The following PPWD1 variants were observed in gnomAD, a reference collection of about 807,000 sequenced individuals.
PPWD1 encodes the protein peptidylprolyl isomerase domain and WD repeat containing 1.
In PPWD1, 43 loss-of-function variants were observed where a neutral mutation model predicts 68.8. That is an observed-to-expected ratio of 0.62 (90% CI 0.49 to 0.81). The LOEUF (loss-of-function observed/expected upper bound fraction) is 0.81. Among genes scored for constraint, PPWD1 ranks in the 30% least tolerant of loss-of-function variants. The pLI is 0.00. For synonymous variants in PPWD1, 232 were observed against 258.7 expected, an observed-to-expected ratio of 0.90 and a Z score of 0.99; for missense variants, 672 against 804.8, an observed-to-expected ratio of 0.83 and a Z score of 2.00.
intron 9 of PPWD1, 132 bp downstream of exon 9, chr5:65,585,227 A>AT: frequency 1.2e-6 from 1 of 863,570 alleles, no homozygotes; most frequent in South Asian, 1.9e-5. Context: ...TACACTATGG[A>AT]AGCCAAAGGA....
At chr5:65,568,221 G>A (rs1258910759) in intron 2 of PPWD1, 1 of 152,152 alleles carries the variant, frequency 6.6e-6, no homozygotes, top group African/African-American at 2.4e-5. Context: ...TTTTGGATAA[G>A]GGATACTCAA....
chr5:65,586,015 C>T lies in PPWD1; in HGVS notation c.1631C>T (p.Thr544Ile), dbSNP rs756815006. 3 of 1,612,910 alleles carry T rather than the reference C, an allele frequency of 1.9e-6. No individual in the cohort carries two copies. The highest frequency in any genetic ancestry group is 2.5e-6 in the Non-Finnish European group (3 of 1,179,146). Residue 544 changes from threonine (T) to isoleucine (I), a missense_variant, in exon 10 of 11, where the codon ACT becomes ATT. Thr to Ile is a moderately conservative substitution (Grantham distance 89). This residue lies in a region of PPWD1 where 484 missense variants were observed against 646.2 expected (regional missense o/e 0.75). Transcript: ENST00000261308. ...TCTGTTAAGGGCTTTATGATTCAGA[C>T]TGGAGATCCAACAGGTACTGGTATG... ...HRIIKGFMIQ[T>I]GDPTGTGMGG...
Position 65,567,619 on chromosome 5 carries a change from A to C in PPWD1, c.299+4A>C. The stretch of plus-strand genomic sequence containing the variant: ...TCACCCATGTGGTATGCACCAAGTA[A>C]GTCTATCACATCTTTTTTACTTTGT... On this transcript the variant is annotated splice_donor_region_variant and intron_variant, in intron 2 of 10. Transcript: ENST00000261308. 6.3e-7 allele frequency: 1 copy of C among 1,576,272 alleles called. No individual in the cohort carries two copies. Among genetic ancestry groups the C allele is most frequent in the Non-Finnish European group, 8.6e-7 (1 of 1,161,630 alleles).
In PPWD1 at chr5:65,586,036, G is replaced by A. The variant is rs367559714; in HGVS notation, c.1652G>A (p.Gly551Asp). The A allele has an allele frequency of 6.2e-7, 1 of 1,613,448 alleles. No homozygotes were observed. The highest frequency in any genetic ancestry group is 8.5e-7 in the Non-Finnish European group (1 of 1,179,470). The change falls in exon 10 of 11, where the codon GGT becomes GAT. Residue 551 changes from glycine (G) to aspartate (D), a missense_variant. Around this residue, in one of 2 missense-constraint regions of PPWD1, gnomAD observed 484 missense variants for 646.2 expected, o/e 0.75. Transcript: ENST00000261308. Reference protein sequence around the residue: ...MIQTGDPTGTGMGGESIWGGE... With the variant: ...MIQTGDPTGTDMGGESIWGGE... ...CAGACTGGAGATCCAACAGGTACTGGTATGGGAGGAGAAAGCATATGGGGA... is the reference window on the plus strand; with the variant it reads ...CAGACTGGAGATCCAACAGGTACTGATATGGGAGGAGAAAGCATATGGGGA...
chr5:65,570,474 T>G (rs191705379), intron 4 of PPWD1: 2 of 358,824 alleles, frequency 5.6e-6, no homozygotes, highest in Non-Finnish European at 3.9e-6. Context: ...TTTAAGCATG[T>G]CTTTTTTAAG....
intron 8 of PPWD1, 42 bp downstream of exon 8, chr5:65,583,261 ATG>A: frequency 2.1e-6 from 3 of 1,405,904 alleles, no homozygotes; most frequent in Non-Finnish European, 2.8e-6. Context: ...GTAATTAAGA[ATG>A]TAAATGTGTA....
intron 6 of PPWD1, among the ~76,000 whole-genome samples, chr5:65,578,083 T>C (rs537668517): frequency 6.6e-6 from 1 of 152,372 alleles, no homozygotes; most frequent in South Asian, 2.1e-4. Context: ...GAATGTGATA[T>C]AGCTAAAATC....
intron 6 of PPWD1, among the ~76,000 whole-genome samples, chr5:65,577,728 C>G (rs1022652865): frequency 5.3e-5 from 8 of 152,022 alleles, no homozygotes; most frequent in Admixed American, 5.2e-4. Flanking sequence ...TTTAATAGAC[C>G]TTACTTTTTT....
intron 2 of PPWD1, chr5:65,569,429 A>G (rs888601658): frequency 2.0e-5 from 8 of 402,342 alleles, no homozygotes; most frequent in African/African-American, 1.3e-4. Context: ...TAAAATTAGT[A>G]CAGCTGTAAC....
At chr5:65,563,638 T>G in intron 1 of PPWD1, 132 bp downstream of exon 1, 2 of 1,350,490 alleles carry the variant, frequency 1.5e-6, no homozygotes, top group Non-Finnish European at 2.0e-6. Context: ...CTCTCACTTC[T>G]GGCTACTCCA....
At chr5:65,566,087 G>A (rs962360537) in intron 1 of PPWD1, among the ~76,000 whole-genome samples, 5 of 152,238 alleles carry the variant, frequency 3.3e-5, no homozygotes, top group South Asian at 2.1e-4. Flanking sequence ...GACCTAGAAC[G>A]TATTGTGTTC....
At chr5:65,581,537 G>C (rs1238737928) in intron 7 of PPWD1, among the ~76,000 whole-genome samples, 2 of 152,092 alleles carry the variant, frequency 1.3e-5, no homozygotes, top group Non-Finnish European at 2.9e-5. Flanking sequence ...AGTGAGCTAT[G>C]ATCACACCAC....
rs547192085 is a variant in PPWD1 at position 65,571,756 on chromosome 5, A to G, written c.522-83A>G. 334 of 1,523,168 alleles carry G rather than the reference A, an allele frequency of 2.2e-4. 1 individual carries two copies. The East Asian group carries it at 7.4e-3, about 34-fold the overall frequency. 94.4% of individuals were successfully genotyped at this position (1,523,168 alleles called of 1,614,324 possible). ...AAAACTGTCTAAATCACCAGCCAAGACATTTTTGGTAGTGGGATAGGGAGG... is the reference window on the plus strand; with the variant it reads ...AAAACTGTCTAAATCACCAGCCAAGGCATTTTTGGTAGTGGGATAGGGAGG... On this transcript the variant is annotated intron_variant, in intron 4 of 10. Coordinates refer to ENST00000261308, the MANE Select transcript of PPWD1 (RefSeq NM_015342.4).
chr5:65,566,275 G>A (rs1752753316), intron 1 of PPWD1, among the ~76,000 whole-genome samples: 1 of 152,156 alleles, frequency 6.6e-6, no homozygotes, highest in Admixed American at 6.5e-5. Flanking sequence ...TGGTGTGGAG[G>A]CTCCAGAAGT....
chr5:65,581,261 A>C (rs1456701074), intron 7 of PPWD1, among the ~76,000 whole-genome samples: 1 of 152,210 alleles, frequency 6.6e-6, no homozygotes, highest in East Asian at 1.9e-4. Flanking sequence ...CCTTTAATTT[A>C]ACTTTGTTAG....
intron 2 of PPWD1, 104 bp from the exon 3 acceptor site, chr5:65,569,528 C>A: frequency 3.9e-6 from 5 of 1,280,550 alleles, no homozygotes; most frequent in Non-Finnish European, 2.1e-6. Flanking sequence ...TAAAAAAAAA[C>A]CTATTATGCA....
chr5:65,571,768 G>A, intron 4 of PPWD1, 71 bp from the exon 5 acceptor site: 2 of 1,533,596 alleles, frequency 1.3e-6, no homozygotes, highest in South Asian at 1.3e-5. Flanking sequence ...ATTTTTGGTA[G>A]TGGGATAGGG....
rs764056149 is a variant in PPWD1 at position 65,572,213 on chromosome 5, G to C, written c.896G>C (p.Gly299Ala). Residue 299 changes from glycine to alanine, a missense_variant, in exon 5 of 11, where the codon GGT (glycine) becomes GCT (alanine). Physicochemically the swap from Gly to Ala is moderately conservative, Grantham distance 60. Transcript: ENST00000261308. ...SPDGKKIATI[G>A]SDRKVRIFRF... Reference sequence around the variant, plus strand: ...GATGGGAAGAAAATAGCTACTATTGGTTCTGATAGAAAAGTTAGAATTTTC... The same window carrying C: ...GATGGGAAGAAAATAGCTACTATTGCTTCTGATAGAAAAGTTAGAATTTTC... The C allele has an allele frequency of 1.9e-6, 3 of 1,612,912 alleles. No homozygotes were observed. In the South Asian group the frequency reaches 3.3e-5, roughly 18 times the overall value.
In PPWD1 at chr5:65,567,586, A is replaced by G; in HGVS notation, c.270A>G (p.Arg90=). ...TGTATGAGCGCAGTTACATGCATAG[A>G]GATGTTATCACCCATGTGGTATGCA... The part of the protein sequence containing the change: ...ASMYERSYMH[R]DVITHVVCTK... The change falls in exon 2 of 11, where the codon AGA becomes AGG. Residue 90 remains arginine, a synonymous_variant. Transcript: ENST00000261308. The G allele has an allele frequency of 6.2e-7, 1 of 1,611,888 alleles. No individual in the cohort carries two copies. The highest frequency in any genetic ancestry group is 1.3e-5 in the African/African-American group (1 of 74,956).
Sources: gnomAD v4.1 joint callset for allele counts (sites outside exome capture counted in the v4.1 genomes callset) on GRCh38, gnomAD v4.1.1 for gene constraint, gnomAD v4.1.1 regional missense constraint, MANE v1.5 for transcripts, NCBI Gene and HGNC (gene_info 2026-07-23, HGNC 2026-07-21) for gene names.